NLGN4X: variants seen among roughly 807,000 people sequenced by gnomAD.
The protein encoded by NLGN4X is neuroligin 4 X-linked, also known as neuroligin-4, X-linked.
NLGN4X carries 3 observed loss-of-function variants against 40.3 expected under a neutral mutation model. The ratio of observed to expected loss-of-function variants is 0.07; its 90% CI spans 0.03 to 0.19. NLGN4X has a LOEUF of 0.19. Among genes scored for constraint, NLGN4X ranks in the 10% least tolerant of loss-of-function variants. NLGN4X has a pLI of 1.00. For synonymous variants in NLGN4X, 270 were observed against 306.8 expected (o/e 0.88, Z 1.25); for missense variants, 382 against 708.3 (o/e 0.54, Z 5.23).
chrX:6,189,199 T>A (rs1006944313), intron 1 of NLGN4X, among the ~76,000 whole-genome samples: 2 of 112,109 alleles, frequency 1.8e-5, no homozygotes, highest in Non-Finnish European at 3.8e-5. Context: ...CCTCCACCCC[T>A]CCTCAAGGAC....
rs116516662 is a variant in NLGN4X at position 6,130,926 on chromosome X, T to C, written c.472+20069A>G. Among the ~76,000 whole-genome samples the C allele has an allele frequency of 2.2e-3, 252 of 112,276 alleles. 2 individuals are homozygous for C. Among genetic ancestry groups the C allele is most frequent in the African/African-American group, 7.6e-3 (234 of 30,966 alleles). On this transcript the variant is annotated intron_variant, in intron 2 of 5. Transcript: ENST00000381095. ...TATATAAAAAAAACCAAAACATTTC[T>C]TTTTGATGCTTTCTTCTCACTATAA...
chrX:6,175,099 G>C (rs1569281639), intron 1 of NLGN4X, among the ~76,000 whole-genome samples: 1 of 111,364 alleles, frequency 9.0e-6, no homozygotes, highest in Non-Finnish European at 1.9e-5. Context: ...AGGGTGAAGA[G>C]GAAGGTTTCC....
chrX:6,069,977 C>G (rs2038019182), intron 2 of NLGN4X, among the ~76,000 whole-genome samples: 1 of 111,916 alleles, frequency 8.9e-6, no homozygotes, highest in Non-Finnish European at 1.9e-5. Context: ...TATTCCCTCA[C>G]TTCAACATCG....
chrX:6,169,691 T>C (rs1230173797), intron 1 of NLGN4X, among the ~76,000 whole-genome samples: 1 of 112,370 alleles, frequency 8.9e-6, no homozygotes, highest in Non-Finnish European at 1.9e-5. Context: ...CAACCTCATG[T>C]GTGGTCGGAG....
At chrX:6,172,930 C>A (rs895290504) in intron 1 of NLGN4X, among the ~76,000 whole-genome samples, 5 of 112,334 alleles carry the variant, frequency 4.5e-5, no homozygotes, top group African/African-American at 1.6e-4. Flanking sequence ...GAAGGAAGAA[C>A]AAGAAAGCTG....
chrX:6,102,643 T>C (rs552670645), intron 2 of NLGN4X, among the ~76,000 whole-genome samples: 2 of 104,395 alleles, frequency 1.9e-5, no homozygotes, highest in Non-Finnish European at 3.9e-5. Context: ...TTGATAGATA[T>C]ATACATACAT....
intron 2 of NLGN4X, among the ~76,000 whole-genome samples, chrX:6,114,662 A>C (rs1483996869): frequency 9.0e-6 from 1 of 111,350 alleles, no homozygotes; most frequent in Non-Finnish European, 1.9e-5. Context: ...AGATAAACTA[A>C]ACACTACATA....
Position 6,214,688 on chromosome X carries a change from C to A in NLGN4X, c.-306+13853G>T, listed in dbSNP as rs139212035. Among the ~76,000 whole-genome samples, 934 of 111,039 alleles carry A rather than the reference C, an allele frequency of 8.4e-3. 9 individuals carry two copies. The highest frequency in any genetic ancestry group is 0.027 in the African/African-American group (809 of 30,514). On this transcript the variant is annotated intron_variant, in intron 1 of 5. Coordinates refer to ENST00000381095, the MANE Select transcript of NLGN4X (RefSeq NM_181332.3). ...GTCCGAAGGATCCCTTGAGCCCAGG[C>A]GTTCGAGACCAGCCTGCGCAACATA...
intron 1 of NLGN4X, among the ~76,000 whole-genome samples, chrX:6,181,216 C>A (rs1921410505): frequency 1.8e-5 from 2 of 111,038 alleles, no homozygotes; most frequent in Non-Finnish European, 1.9e-5. Context: ...AGCGGTGGTA[C>A]AAAGAACCCT....
intron 3 of NLGN4X, among the ~76,000 whole-genome samples, chrX:5,919,605 G>A (rs1027347484): frequency 2.1e-4 from 23 of 111,232 alleles, no homozygotes; most frequent in African/African-American, 7.2e-4. Context: ...ATTACCACCT[G>A]AGCTCCACCT....
Position 6,140,863 on chromosome X carries a change from C to G in NLGN4X, c.472+10132G>C, listed in dbSNP as rs767853097. 2.7e-4 allele frequency among the ~76,000 whole-genome samples: 30 copies of G among 110,579 alleles called. No homozygotes were observed. In the East Asian group the frequency reaches 8.0e-3, roughly 29 times the overall value. Reference sequence around the variant, plus strand: ...CAAGTGCTAGGATTACAAGAGCAAGCCACCACTTTCTAATTTGTGGAAATC... The same window carrying G: ...CAAGTGCTAGGATTACAAGAGCAAGGCACCACTTTCTAATTTGTGGAAATC... On this transcript the variant is annotated intron_variant, in intron 2 of 5. Transcript: ENST00000381095.
chrX:5,912,946 AGGAG>A (rs1256720198), intron 3 of NLGN4X, among the ~76,000 whole-genome samples: 1 of 25,429 alleles, frequency 3.9e-5, no homozygotes, highest in Non-Finnish European at 6.5e-5. Flanking sequence ...GAGGGAGGGA[AGGAG>A]GGAGGGAGGG....
chrX:6,225,685 T>TTTTC (rs1204104921), intron 1 of NLGN4X, among the ~76,000 whole-genome samples: 1 of 73,763 alleles, frequency 1.4e-5, no homozygotes, highest in Non-Finnish European at 2.6e-5. Context: ...TTCTTTCTTT[T>TTTTC]TTTCTTTTTT....
chrX:5,892,740 T>G lies in NLGN4X; in HGVS notation c.*77A>C. On this transcript the variant is annotated 3_prime_UTR_variant, in exon 6 of 6. Transcript: ENST00000381095. ...CTGGAGACTTTCTTTCTCTCTCTCTTTCCTTCTCTCTTTCCTTCCCTCTTC... is the reference window on the plus strand; with the variant it reads ...CTGGAGACTTTCTTTCTCTCTCTCTGTCCTTCTCTCTTTCCTTCCCTCTTC... The G allele has an allele frequency of 8.6e-7, 1 of 1,167,877 alleles. No individual in the cohort carries two copies. The highest frequency in any genetic ancestry group is 1.2e-6 in the Non-Finnish European group (1 of 861,572).
At chrX:6,211,799 T>A (rs778303915) in intron 1 of NLGN4X, among the ~76,000 whole-genome samples, 60 of 111,950 alleles carry the variant, frequency 5.4e-4, no homozygotes, top group African/African-American at 1.9e-3. Flanking sequence ...ATTCACAAAA[T>A]CCCTTGAACA....
chrX:6,215,878 CTTT>C (rs113885626), intron 1 of NLGN4X, among the ~76,000 whole-genome samples: 29 of 91,843 alleles, frequency 3.2e-4, no homozygotes, highest in South Asian at 5.1e-4. Flanking sequence ...TACTCAAACA[CTTT>C]TTTTTTTTTT....
At chrX:6,176,590 A>G (rs144313305) in intron 1 of NLGN4X, among the ~76,000 whole-genome samples, 1,381 of 112,160 alleles carry the variant, frequency 0.012, 28 homozygotes, top group African/African-American at 0.042. Context: ...ATAAGTAGAA[A>G]AGGGAAAAAG....
At position 5,925,897 on chromosome X, in the gene NLGN4X, T is replaced by TATATACATACAC. The variant is rs1569134570; in HGVS notation, c.626-16659_626-16658insGTGTATGTATAT. On this transcript the variant is annotated intron_variant, in intron 3 of 5. Coordinates refer to ENST00000381095, the MANE Select transcript of NLGN4X (RefSeq NM_181332.3). Reference sequence around the variant, plus strand: ...ACATACACACATATATATATATATATATATATATATATATATATATATATA... The same window carrying TATATACATACAC: ...ACATACACACATATATATATATATATATATACATACACATATATATATATATATATATATATA... Among the ~76,000 whole-genome samples, 4 of 19,144 alleles carry TATATACATACAC rather than the reference T, an allele frequency of 2.1e-4. 1 individual carries two copies. The highest frequency in any genetic ancestry group is 3.2e-4 in the Non-Finnish European group (4 of 12,384). 16.6% of individuals were successfully genotyped at this position (19,144 alleles called of 115,157 possible). A position where few individuals can be genotyped will look rare whatever the true frequency, so the allele number is the denominator to read the frequency against.
At chrX:6,055,000 GA>G (rs2037585692) in intron 2 of NLGN4X, among the ~76,000 whole-genome samples, 1 of 111,874 alleles carries the variant, frequency 8.9e-6, no homozygotes, top group Admixed American at 9.5e-5. Context: ...TTCCATGCCA[GA>G]AAAAAACCCT....
Sources: gnomAD v4.1 joint callset for allele counts (sites outside exome capture counted in the v4.1 genomes callset) on GRCh38, gnomAD v4.1.1 for gene constraint, MANE v1.5 for transcripts, NCBI Gene and HGNC (gene_info 2026-07-23, HGNC 2026-07-21) for gene names.